The following MBTPS2 variants were observed in gnomAD, a reference collection of about 807,000 sequenced individuals.
MBTPS2 encodes membrane-bound transcription factor site-2 protease.
A neutral mutation model predicts 35.4 loss-of-function variants in MBTPS2; 2 were observed. That is an observed-to-expected ratio of 0.06 (90% CI 0.02 to 0.18). The LOEUF (loss-of-function observed/expected upper bound fraction) is 0.18. Ranked by LOEUF, MBTPS2 falls within the 10% of genes least tolerant of loss-of-function variation. The pLI, the probability that MBTPS2 is intolerant of heterozygous loss-of-function variation, is 1.00. For synonymous variants in MBTPS2, 125 were observed against 140.4 expected, an observed-to-expected ratio of 0.89 and a Z score of 0.77; for missense variants, 244 against 386.5, an observed-to-expected ratio of 0.63 and a Z score of 3.09.
At chrX:21,875,681 T>A (rs1245914070) in intron 7 of MBTPS2, among the ~76,000 whole-genome samples, 2 of 112,298 alleles carry the variant, frequency 1.8e-5, no homozygotes, top group African/African-American at 6.5e-5. Context: ...TATAAGACAC[T>A]GAGAAACCTT....
At chrX:21,849,983 C>A (rs2092912996) in intron 3 of MBTPS2, among the ~76,000 whole-genome samples, 1 of 100,662 alleles carries the variant, frequency 9.9e-6, no homozygotes. Flanking sequence ...GCCGAGATCG[C>A]GCCATTGCAC....
At chrX:21,877,980 A>T in intron 7 of MBTPS2, 62 bp from the exon 8 acceptor site, 1 of 768,639 alleles carries the variant, frequency 1.3e-6, no homozygotes, top group Non-Finnish European at 2.0e-6. Context: ...TCTTAAAGGC[A>T]TTTTTTGTTA....
At chrX:21,881,899 G>C (rs930201144) in intron 10 of MBTPS2, among the ~76,000 whole-genome samples, 2 of 111,406 alleles carry the variant, frequency 1.8e-5, no homozygotes, top group Admixed American at 1.9e-4. Context: ...TCGCTCCACT[G>C]CACTCCAGCC....
chrX:21,840,402 C>G (rs1214286735), intron 1 of MBTPS2, among the ~76,000 whole-genome samples: 1 of 112,065 alleles, frequency 8.9e-6, no homozygotes, highest in Non-Finnish European at 1.9e-5. Flanking sequence ...AAGTAGCACA[C>G]TCAAATAGCA....
chrX:21,839,996 G>A (rs1030616914), intron 1 of MBTPS2, among the ~76,000 whole-genome samples, 187 bp downstream of exon 1: 21 of 111,903 alleles, frequency 1.9e-4, no homozygotes, highest in African/African-American at 5.2e-4. Flanking sequence ...GGCGGCCTGC[G>A]CGGCTGCCAC....
At chrX:21,859,544 T>A (rs1275236351) in intron 5 of MBTPS2, among the ~76,000 whole-genome samples, 11 of 106,611 alleles carry the variant, frequency 1.0e-4, no homozygotes, top group South Asian at 8.2e-4. Flanking sequence ...GTTAAAGTAG[T>A]GCTTGCTTGT....
chrX:21,857,205 G>A (rs148389641), intron 5 of MBTPS2: 47 of 1,210,305 alleles, frequency 3.9e-5, no homozygotes, highest in Non-Finnish European at 4.5e-6. Context: ...ATTTACTAAA[G>A]TGAAGCCCAA....
intron 5 of MBTPS2, among the ~76,000 whole-genome samples, 156 bp downstream of exon 5, chrX:21,853,659 A>C (rs2092917221): frequency 8.9e-6 from 1 of 111,991 alleles, no homozygotes. Flanking sequence ...GAGGAGTAAA[A>C]TAATTTACAT....
intron 5 of MBTPS2, among the ~76,000 whole-genome samples, chrX:21,867,692 G>A (rs1203310174): frequency 2.9e-5 from 3 of 103,262 alleles, no homozygotes; most frequent in East Asian, 3.0e-4. Context: ...AGGCTGGAGC[G>A]CAGTGGCACG....
At chrX:21,864,456 A>G (rs1438042200) in intron 5 of MBTPS2, among the ~76,000 whole-genome samples, 1 of 110,677 alleles carries the variant, frequency 9.0e-6, no homozygotes, top group Admixed American at 9.6e-5. Flanking sequence ...CTGGTCTCGA[A>G]CTCCTGACCA....
At chrX:21,880,273 C>T (rs1465454632) in intron 9 of MBTPS2, among the ~76,000 whole-genome samples, 1 of 110,682 alleles carries the variant, frequency 9.0e-6, no homozygotes, top group Non-Finnish European at 1.9e-5. Flanking sequence ...CTTTAAAAGA[C>T]TCTCTCATTG....
intron 2 of MBTPS2, among the ~76,000 whole-genome samples, chrX:21,844,373 C>T (rs745450023): frequency 4.8e-4 from 53 of 110,094 alleles, no homozygotes; most frequent in African/African-American, 1.5e-3. Context: ...CTTAGCCAGG[C>T]GTGGTGGTAT....
intron 5 of MBTPS2, chrX:21,856,751 C>T (rs2092923274): frequency 8.3e-7 from 1 of 1,210,026 alleles, no homozygotes; most frequent in African/African-American, 1.7e-5. Flanking sequence ...AAGTGGTGGG[C>T]TATTGCGACT....
At chrX:21,856,793 C>T (rs758407096) in intron 5 of MBTPS2, 5 of 1,209,824 alleles carry the variant, frequency 4.1e-6, no homozygotes, top group South Asian at 3.5e-5. Context: ...ACTTGGAGGA[C>T]CAGTTGGCCC....
At chrX:21,868,668 G>A in intron 6 of MBTPS2, 83 bp downstream of exon 6, 1 of 667,763 alleles carries the variant, frequency 1.5e-6, no homozygotes, top group Non-Finnish European at 2.5e-6. Context: ...TTTTATTCAA[G>A]ATCTCTTCAT....
chrX:21,857,257 A>T, intron 5 of MBTPS2: 2 of 1,211,841 alleles, frequency 1.7e-6, no homozygotes, highest in Non-Finnish European at 2.2e-6. Context: ...CCTTGCTCTT[A>T]TAGCGGCTGC....
chrX:21,868,914 C>T (rs932296239), intron 6 of MBTPS2, among the ~76,000 whole-genome samples: 3 of 112,225 alleles, frequency 2.7e-5, no homozygotes, highest in African/African-American at 9.7e-5. Flanking sequence ...CTTTACGCCT[C>T]CTAAGTAGTA....
intron 9 of MBTPS2, among the ~76,000 whole-genome samples, chrX:21,880,481 G>A (rs1444357501): frequency 9.0e-6 from 1 of 110,894 alleles, no homozygotes; most frequent in Non-Finnish European, 1.9e-5. Flanking sequence ...ACAAAAACAG[G>A]ATTATGGAAT....
intron 5 of MBTPS2, 49 bp from the exon 6 acceptor site, chrX:21,868,418 T>C: frequency 1.3e-6 from 1 of 794,509 alleles, no homozygotes; most frequent in Non-Finnish European, 1.9e-6. Context: ...GCTACTTATA[T>C]CATTCCTGCC....
Sources: allele counts gnomAD v4.1 joint callset (sites outside exome capture counted in the v4.1 genomes callset), GRCh38; gene constraint gnomAD v4.1.1; transcripts MANE v1.5; gene names NCBI Gene and HGNC (gene_info 2026-07-23, HGNC 2026-07-21).